SH3RF3: variants seen among roughly 807,000 people sequenced by gnomAD.
SH3RF3 encodes the protein E3 ubiquitin-protein ligase SH3RF3.
Under a neutral mutation model 66.3 loss-of-function variants are expected in SH3RF3, and 29 were observed. That is an observed-to-expected ratio of 0.44 (90% CI 0.33 to 0.60). The LOEUF is 0.60. Among genes scored for constraint, SH3RF3 ranks in the 20% least tolerant of loss-of-function variants. SH3RF3 has a pLI of 0.04. For synonymous variants in SH3RF3, 583 were observed against 532.0 expected (o/e 1.10, Z -1.32); for missense variants, 1,194 against 1,190.9 (o/e 1.00, Z -0.04).
chr2:109,455,703 C>A (rs1468603466), intron 8 of SH3RF3, among the ~76,000 whole-genome samples: 1 of 152,198 alleles, frequency 6.6e-6, no homozygotes, highest in East Asian at 1.9e-4. Flanking sequence ...AGTGGAGGCA[C>A]CCTGCAATAG....
intron 4 of SH3RF3, among the ~76,000 whole-genome samples, chr2:109,410,655 A>T (rs896844768): frequency 2.0e-5 from 3 of 152,246 alleles, no homozygotes; most frequent in Admixed American, 6.5e-5. Context: ...GGGCCACTGC[A>T]TGTCAGCCAG....
At chr2:109,282,389 C>A (rs989204705) in intron 1 of SH3RF3, among the ~76,000 whole-genome samples, 1 of 152,082 alleles carries the variant, frequency 6.6e-6, no homozygotes. Context: ...GCTGAGATAC[C>A]AAAACATGGG....
chr2:109,191,790 C>T (rs1678373247), intron 1 of SH3RF3, among the ~76,000 whole-genome samples: 2 of 152,182 alleles, frequency 1.3e-5, no homozygotes, highest in Admixed American at 6.5e-5. Context: ...ACCTGTTGGG[C>T]AAAGTCCCCA....
intron 3 of SH3RF3, among the ~76,000 whole-genome samples, chr2:109,378,123 A>G (rs1683431929): frequency 6.6e-6 from 1 of 152,226 alleles, no homozygotes; most frequent in South Asian, 2.1e-4. Context: ...TGAGAGCCAC[A>G]AGGGAAGTAT....
intron 1 of SH3RF3, among the ~76,000 whole-genome samples, chr2:109,151,778 A>C (rs1677230280): frequency 6.6e-6 from 1 of 152,232 alleles, no homozygotes; most frequent in Admixed American, 6.5e-5. Context: ...AAGTTCTGGC[A>C]CCAGTGCACT....
At chr2:109,319,548 G>C (rs1259970612) in intron 1 of SH3RF3, among the ~76,000 whole-genome samples, 3 of 152,226 alleles carry the variant, frequency 2.0e-5, no homozygotes, top group Non-Finnish European at 4.4e-5. Context: ...GTGAGAGGGG[G>C]CTCACAGGGC....
intron 4 of SH3RF3, among the ~76,000 whole-genome samples, chr2:109,401,744 C>T (rs1271895511): frequency 2.0e-5 from 3 of 152,200 alleles, no homozygotes; most frequent in African/African-American, 7.2e-5. Context: ...TTCCTGCATC[C>T]TCACCTGCAC....
chr2:109,478,464 G>C (rs1678748282), intron 8 of SH3RF3, among the ~76,000 whole-genome samples: 1 of 152,172 alleles, frequency 6.6e-6, no homozygotes, highest in Non-Finnish European at 1.5e-5. Flanking sequence ...GATTTGGTTT[G>C]AATGTATTCA....
chr2:109,472,509 G>A (rs1031075121), intron 8 of SH3RF3, among the ~76,000 whole-genome samples: 1 of 152,228 alleles, frequency 6.6e-6, no homozygotes, highest in African/African-American at 2.4e-5. Context: ...GGAAAGAAGA[G>A]CTTTGATTTA....
chr2:109,170,682 C>T lies in SH3RF3; in HGVS notation c.573+40569C>T, dbSNP rs557533407. Among the ~76,000 whole-genome samples, 13 of 152,260 alleles carry T rather than the reference C, an allele frequency of 8.5e-5. No individual in the cohort carries two copies. In the South Asian group the frequency reaches 1.9e-3, roughly 22 times the overall value. On this transcript the variant is annotated intron_variant, in intron 1 of 9. Transcript: ENST00000309415. ...ATATTTCCTAAGGGTTCATCCTGCTCCACAGTCTGAGGTTGTTATTTGTTA... is the reference window on the plus strand; with the variant it reads ...ATATTTCCTAAGGGTTCATCCTGCTTCACAGTCTGAGGTTGTTATTTGTTA...
At chr2:109,177,991 T>C (rs1002854312) in intron 1 of SH3RF3, among the ~76,000 whole-genome samples, 4 of 152,144 alleles carry the variant, frequency 2.6e-5, no homozygotes, top group African/African-American at 4.8e-5. Context: ...AATCAGAAAA[T>C]TAGACCTAAA....
chr2:109,380,139 G>A (rs576272307), intron 3 of SH3RF3, among the ~76,000 whole-genome samples: 1 of 152,170 alleles, frequency 6.6e-6, no homozygotes. Context: ...CACATACATG[G>A]GTGTTCATTG....
At chr2:109,401,404 A>T (rs970120089) in intron 4 of SH3RF3, among the ~76,000 whole-genome samples, 11 of 152,118 alleles carry the variant, frequency 7.2e-5, no homozygotes, top group African/African-American at 2.7e-4. Flanking sequence ...CTCCTAGAAG[A>T]GCAAAGGCCA....
At chr2:109,270,137 C>T (rs1680591048) in intron 1 of SH3RF3, among the ~76,000 whole-genome samples, 1 of 152,252 alleles carries the variant, frequency 6.6e-6, no homozygotes, top group African/African-American at 2.4e-5. Flanking sequence ...CCAGCAGTCT[C>T]AGCCCCCACC....
At chr2:109,425,933 T>G (rs1352513905) in intron 5 of SH3RF3, among the ~76,000 whole-genome samples, 1 of 152,186 alleles carries the variant, frequency 6.6e-6, no homozygotes, top group Admixed American at 6.5e-5. Context: ...AGTTTCACTC[T>G]GTCGTCCAGG....
chr2:109,161,898 T>C (rs909733953), intron 1 of SH3RF3, among the ~76,000 whole-genome samples: 9 of 151,956 alleles, frequency 5.9e-5, no homozygotes, highest in African/African-American at 2.2e-4. Flanking sequence ...ATATCCAAAC[T>C]ATAGCCTATC....
intron 1 of SH3RF3, among the ~76,000 whole-genome samples, chr2:109,340,329 A>G (rs1000694154): frequency 2.6e-5 from 4 of 152,214 alleles, no homozygotes; most frequent in Admixed American, 6.5e-5. Flanking sequence ...AGGTAGGAGC[A>G]GCAGGCACAC....
At chr2:109,305,707 G>C (rs374804725) in intron 1 of SH3RF3, among the ~76,000 whole-genome samples, 1 of 152,224 alleles carries the variant, frequency 6.6e-6, no homozygotes, top group Non-Finnish European at 1.5e-5. Context: ...CTTCATGTGC[G>C]GTGTGTGGCT....
chr2:109,282,967 C>T (rs897474824), intron 1 of SH3RF3, among the ~76,000 whole-genome samples: 1 of 152,170 alleles, frequency 6.6e-6, no homozygotes, highest in African/African-American at 2.4e-5. Context: ...GTTACTCTCC[C>T]TGGGTCCTAC....
Sources: gnomAD v4.1 joint callset for allele counts (sites outside exome capture counted in the v4.1 genomes callset) on GRCh38, gnomAD v4.1.1 for gene constraint, MANE v1.5 for transcripts, NCBI Gene and HGNC (gene_info 2026-07-23, HGNC 2026-07-21) for gene names.